Variants in GARRE1 observed in about 807,000 individuals in gnomAD.
The protein encoded by GARRE1 is granule associated Rac and RHOG effector 1.
GARRE1 carries 49 observed loss-of-function variants against 103.2 expected under a neutral mutation model. The observed-to-expected ratio is 0.47, with a 90% CI of 0.38 to 0.60. GARRE1 has a LOEUF of 0.60. GARRE1 is among the 20% of genes least tolerant of loss of function. The pLI is 0.00. For synonymous variants in GARRE1, 505 were observed against 532.8 expected, an observed-to-expected ratio of 0.95 and a Z score of 0.72; for missense variants, 1,199 against 1,370.5, an observed-to-expected ratio of 0.87 and a Z score of 1.98.
chr19:34,279,808 A>G (rs2073840184), intron 1 of GARRE1, among the ~76,000 whole-genome samples: 1 of 150,518 alleles, frequency 6.6e-6, no homozygotes, highest in Non-Finnish European at 1.5e-5. Context: ...AAACGGTGAA[A>G]CCCCGTCTCT....
chr19:34,295,238 G>C (rs951670416), intron 1 of GARRE1, among the ~76,000 whole-genome samples: 1 of 152,136 alleles, frequency 6.6e-6, no homozygotes, highest in African/African-American at 2.4e-5. Context: ...CTATTATGGA[G>C]CTGGAGAGCT....
At chr19:34,339,396 G>A (rs2074175567) in intron 8 of GARRE1, among the ~76,000 whole-genome samples, 1 of 152,206 alleles carries the variant, frequency 6.6e-6, no homozygotes. Context: ...GCCAGGTGAA[G>A]AGGTGCATAG....
intron 3 of GARRE1, 47 bp from the exon 4 acceptor site, chr19:34,327,374 G>A (rs757170332): frequency 1.3e-6 from 2 of 1,590,222 alleles, no homozygotes; most frequent in Admixed American, 1.7e-5. Context: ...AATGTTGCTA[G>A]AACTGTACCA....
chr19:34,334,957 C>T (rs967369866), intron 8 of GARRE1, among the ~76,000 whole-genome samples: 7 of 151,332 alleles, frequency 4.6e-5, no homozygotes, highest in East Asian at 1.9e-4. Flanking sequence ...GCAGGAGAAC[C>T]GCTTGAGCCT....
intron 1 of GARRE1, among the ~76,000 whole-genome samples, chr19:34,281,480 G>A (rs537255904): frequency 5.9e-5 from 9 of 152,282 alleles, no homozygotes; most frequent in Non-Finnish European, 7.4e-5. Context: ...TAGTAGAGAC[G>A]TGGTTTCACC....
intron 1 of GARRE1, among the ~76,000 whole-genome samples, chr19:34,288,967 A>G (rs1202291483): frequency 2.0e-5 from 3 of 151,760 alleles, no homozygotes; most frequent in African/African-American, 7.3e-5. Context: ...CCCTGTTTCT[A>G]CCAAAAATAC....
At chr19:34,296,683 C>T (rs2073949442) in intron 1 of GARRE1, 1 of 825,860 alleles carries the variant, frequency 1.2e-6, no homozygotes, top group Non-Finnish European at 2.0e-6. Flanking sequence ...TTCTTGATAG[C>T]ATTTCTGTGC....
chr19:34,322,823 G>A (rs1381527526), intron 3 of GARRE1, among the ~76,000 whole-genome samples: 2 of 151,762 alleles, frequency 1.3e-5, no homozygotes, highest in Non-Finnish European at 2.9e-5. Flanking sequence ...CCTGACCTCA[G>A]GTGATCTACC....
At chr19:34,313,419 T>C (rs1430395888) in intron 2 of GARRE1, among the ~76,000 whole-genome samples, 1 of 152,140 alleles carries the variant, frequency 6.6e-6, no homozygotes, top group Non-Finnish European at 1.5e-5. Flanking sequence ...AGATTTGCCA[T>C]GGTTACACCA....
Position 34,352,673 on chromosome 19 carries a change from C to T in GARRE1, c.2931C>T (p.Pro977=), listed in dbSNP as rs774108243. The T allele has an allele frequency of 1.9e-6, 3 of 1,610,952 alleles. No individual in the cohort carries two copies. The highest frequency in any genetic ancestry group is 4.5e-5 in the East Asian group (2 of 44,740). ...ATAACAAAACCAAAACGTGGCCACC[C>T]AAAGCACCCTGGCAGCACCCTTCCC... is the stretch of plus-strand genomic sequence containing the variant. ...NQDNKTKTWP[P]KAPWQHPSPL... is the part of the protein sequence containing the mutation. The change falls in exon 14 of 14, where the codon CCC becomes CCT. Residue 977 remains proline, a synonymous_variant. Transcript: ENST00000299505.
intron 8 of GARRE1, among the ~76,000 whole-genome samples, chr19:34,337,757 GT>G (rs2074167728): frequency 6.6e-6 from 1 of 152,214 alleles, no homozygotes; most frequent in Non-Finnish European, 1.5e-5. Flanking sequence ...ATGCCAGTTT[GT>G]TGATTGTTGA....
chr19:34,341,557 C>G lies in GARRE1; in HGVS notation c.1623C>G (p.Ser541=). 3 of 1,614,096 alleles carry G rather than the reference C, an allele frequency of 1.9e-6. No homozygotes were observed. Among genetic ancestry groups the G allele is most frequent in the Non-Finnish European group, 2.5e-6 (3 of 1,180,018 alleles). Reference sequence around the variant, plus strand: ...AGAAGACATTCTCCAAACTGACATCCCGGTTCACCAAGAAAGCTTCATGTA... The same window carrying G: ...AGAAGACATTCTCCAAACTGACATCGCGGTTCACCAAGAAAGCTTCATGTA... ...GLQKTFSKLT[S]RFTKKASCTS... Residue 541 remains serine, a synonymous_variant, in exon 10 of 14, where the codon TCC becomes TCG. Coordinates refer to ENST00000299505, the MANE Select transcript of GARRE1 (RefSeq NM_014686.5).
chr19:34,285,353 G>A (rs1300177642), intron 1 of GARRE1: 1 of 152,084 alleles, frequency 6.6e-6, no homozygotes, highest in Non-Finnish European at 1.5e-5. Context: ...CAGGCATGAT[G>A]GCTCATGGCT....
At chr19:34,315,583 T>C (rs961317411) in intron 2 of GARRE1, among the ~76,000 whole-genome samples, 7 of 151,852 alleles carry the variant, frequency 4.6e-5, no homozygotes, top group Non-Finnish European at 7.4e-5. Context: ...TGGTGGTGGG[T>C]GCCTGTAGTC....
intron 2 of GARRE1, among the ~76,000 whole-genome samples, chr19:34,315,755 A>G (rs2074057638): frequency 6.6e-6 from 1 of 151,844 alleles, no homozygotes; most frequent in Non-Finnish European, 1.5e-5. Flanking sequence ...GGTGCTCCAA[A>G]TGGGAAGGCC....
chr19:34,344,981 G>GGC (rs1029927670), intron 10 of GARRE1, among the ~76,000 whole-genome samples: 23 of 152,292 alleles, frequency 1.5e-4, no homozygotes, highest in African/African-American at 4.8e-4. Context: ...TAGGACTACA[G>GGC]GCGCACGCTA....
intron 2 of GARRE1, among the ~76,000 whole-genome samples, chr19:34,314,181 TC>T (rs2074049498): frequency 6.6e-6 from 1 of 152,158 alleles, no homozygotes; most frequent in African/African-American, 2.4e-5. Context: ...TTTCATTTTT[TC>T]CCTGGATGAT....
chr19:34,293,403 A>AT (rs34427883), intron 1 of GARRE1, among the ~76,000 whole-genome samples: 95,718 of 146,632 alleles, frequency 0.65, 31,195 homozygotes, highest in Admixed American at 0.72. Context: ...CTCTTGGAGC[A>AT]TTTTTTTTTT....
chr19:34,346,430 TCTC>T (rs2074211348), intron 10 of GARRE1, among the ~76,000 whole-genome samples: 1 of 152,110 alleles, frequency 6.6e-6, no homozygotes, highest in African/African-American at 2.4e-5. Flanking sequence ...AATGAGCAAA[TCTC>T]CTGTCAATAG....
Sources: gnomAD v4.1 joint callset for allele counts (sites outside exome capture counted in the v4.1 genomes callset) on GRCh38, gnomAD v4.1.1 for gene constraint, MANE v1.5 for transcripts, NCBI Gene and HGNC (gene_info 2026-07-23, HGNC 2026-07-21) for gene names.